The following FBXW9 variants were observed in gnomAD, a reference collection of about 807,000 sequenced individuals.
FBXW9 encodes the protein F-box/WD repeat-containing protein 9.
In FBXW9, 38 loss-of-function variants were observed where a neutral mutation model predicts 55.8. The observed-to-expected ratio is 0.68, with a 90% confidence interval of 0.53 to 0.89. The LOEUF (loss-of-function observed/expected upper bound fraction) is 0.89. FBXW9 is among the 40% of genes least tolerant of loss of function. FBXW9 has a pLI of 0.00. For missense variants in FBXW9, 590 were observed against 619.4 expected (o/e 0.95, Z 0.50); for synonymous variants, 289 against 278.2 (o/e 1.04, Z -0.38).
chr19:12,694,964 C>A (rs769824046), intron 1 of FBXW9, 26 bp from the exon 2 acceptor site: 3 of 1,605,304 alleles, frequency 1.9e-6, no homozygotes, highest in African/African-American at 2.7e-5. Context: ...AGTAGGGTGC[C>A]CAGTGGGCAG....
At position 12,689,650 on chromosome 19, in the gene FBXW9, C is replaced by CAACA; in HGVS notation, c.1147-24_1147-21dup. 1.2e-6 allele frequency: 2 copies of CAACA among 1,613,264 alleles called. No individual in the cohort carries two copies. The highest frequency in any genetic ancestry group is 1.7e-6 in the Non-Finnish European group (2 of 1,179,380). The stretch of plus-strand genomic sequence containing the variant: ...AAAGGACTGCAGGAGGAGGATCAGG[C>CAACA]AACACTCAGTCGAGGCTCTCCCAAG... On this transcript the variant is annotated intron_variant, in intron 7 of 9. Transcript: ENST00000393261. This position sits in a 1 kb window ranked among gnomAD's most constrained non-coding sequence, Gnocchi z 5.9.
At chr19:12,695,482 C>G (rs1304124997) in intron 1 of FBXW9, among the ~76,000 whole-genome samples, 1 of 152,128 alleles carries the variant, frequency 6.6e-6, no homozygotes, top group Non-Finnish European at 1.5e-5. Context: ...GATGGCAACA[C>G]CTTGAGAATC....
chr19:12,690,652 C>T (rs894324468), intron 5 of FBXW9, among the ~76,000 whole-genome samples: 5 of 152,014 alleles, frequency 3.3e-5, no homozygotes, highest in African/African-American at 9.7e-5. Flanking sequence ...GGCGCGGTGG[C>T]TCACATCTGT....
rs1384860710 is a variant in FBXW9, at chr19:12,696,550, G to A, written c.32C>T (p.Ser11Phe). ...GTCCGAGTCATCGTCCCAGGTGCGG[G>A]AATCATCGCACCGCCCTAGGGGAAG... MELPLGRCDD[S>F]RTWDDDSDPE... is the part of the protein sequence containing the mutation. The change falls in exon 1 of 10, where the codon TCC becomes TTC. Residue 11 changes from serine (S) to phenylalanine (F), a missense_variant. Coordinates refer to ENST00000393261, the MANE Select transcript of FBXW9 (RefSeq NM_032301.3). 2 of 1,611,936 alleles carry A rather than the reference G, an allele frequency of 1.2e-6. No homozygotes were observed. Among genetic ancestry groups the A allele is most frequent in the South Asian group, 1.1e-5 (1 of 91,068 alleles).
chr19:12,694,462 C>T (rs192797798), intron 3 of FBXW9, 132 bp downstream of exon 3: 2 of 949,708 alleles, frequency 2.1e-6, no homozygotes, highest in African/African-American at 1.7e-5. Context: ...AGAAGTCACA[C>T]ATCTCACTCA....
rs753118110 is a variant in FBXW9, at chr19:12,696,382, G to A, written c.200C>T (p.Ala67Val). 4 of 1,610,740 alleles carry A rather than the reference G, an allele frequency of 2.5e-6. No individual in the cohort carries two copies. In the East Asian group the frequency reaches 6.7e-5, roughly 27 times the overall value. The part of the protein sequence containing the change: ...AASPSASEPR[A>V]ASRVSAVSEP... ...ACTTACGGCCGAAACCCTGGACGCG[G>A]CCCGAGGCTCCGAAGCGCTCGGGGA... The change falls in exon 1 of 10, where the codon GCC (alanine) becomes GTC (valine). Residue 67 changes from alanine (A) to valine (V), a missense_variant. Physicochemically the swap from Ala to Val is moderately conservative, Grantham distance 64 (BLOSUM62 0). Transcript: ENST00000393261.
Position 12,696,385 on chromosome 19 carries a change from C to A in FBXW9, c.197G>T (p.Arg66Leu), listed in dbSNP as rs777977524. The A allele has an allele frequency of 1.2e-6, 2 of 1,611,158 alleles. No individual in the cohort carries two copies. Among genetic ancestry groups the A allele is most frequent in the Admixed American group, 1.7e-5 (1 of 59,746 alleles). Residue 66 changes from arginine (R) to leucine (L), a missense_variant, in exon 1 of 10, where the codon CGG becomes CTG. Coordinates refer to ENST00000393261, the MANE Select transcript of FBXW9 (RefSeq NM_032301.3). Reference sequence around the variant, plus strand: ...TACGGCCGAAACCCTGGACGCGGCCCGAGGCTCCGAAGCGCTCGGGGACGC... The same window carrying A: ...TACGGCCGAAACCCTGGACGCGGCCAGAGGCTCCGAAGCGCTCGGGGACGC... ...PAASPSASEP[R>L]AASRVSAVSE...
intron 5 of FBXW9, 55 bp from the exon 6 acceptor site, chr19:12,690,165 C>A (rs756765740): frequency 6.2e-7 from 1 of 1,609,092 alleles, no homozygotes; most frequent in Non-Finnish European, 8.5e-7. Flanking sequence ...GAAGGCCCCC[C>A]CCAGCCCATG....
rs1377178440 is a variant in FBXW9, at chr19:12,690,069, G to A, written c.925C>T (p.Pro309Ser). ...LLKHQQLHSR[P>S]VLTLLADDRH... ...TCATCCGCCAGCAGGGTCAGCACGG[G>A]TCTGGAGTGTAGTTGCTGGTGCTTC... Residue 309 changes from proline (P) to serine (S), a missense_variant, in exon 6 of 10, where the codon CCC becomes TCC. Transcript: ENST00000393261. 6.2e-7 allele frequency: 1 copy of A among 1,614,030 alleles called. No homozygotes were observed. Among genetic ancestry groups the A allele is most frequent in the Non-Finnish European group, 8.5e-7 (1 of 1,180,022 alleles).
At position 12,694,791 on chromosome 19, in the gene FBXW9, C is replaced by G. The variant is rs373904893; in HGVS notation, c.549+8G>C. 6.2e-7 allele frequency: 1 copy of G among 1,613,780 alleles called. No individual in the cohort carries two copies. The highest frequency in any genetic ancestry group is 8.5e-7 in the Non-Finnish European group (1 of 1,179,900). On this transcript the variant is annotated splice_region_variant and intron_variant, in intron 2 of 9. Coordinates refer to ENST00000393261, the MANE Select transcript of FBXW9 (RefSeq NM_032301.3). ...ACCCTGCCTGGCCCCCCACAGACCC[C>G]GTCTCACCTGGAGCAGCAGCACTGA...
chr19:12,694,654 C>T lies in FBXW9; in HGVS notation c.618G>A (p.Gly206=). Residue 206 remains glycine (G), a synonymous_variant, in exon 3 of 10, where the codon GGG becomes GGA. Coordinates refer to ENST00000393261, the MANE Select transcript of FBXW9 (RefSeq NM_032301.3). ...TGATCAGAACCTGGTTGGACTCCGT[C>T]CCCAGCTGCCGCAGGTCCCACAAGT... is the stretch of plus-strand genomic sequence containing the variant. ...NVNLWDLRQL[G]TESNQVLIKT... 1 of 1,614,220 alleles carries T rather than the reference C, an allele frequency of 6.2e-7. No homozygotes were observed. Among genetic ancestry groups the T allele is most frequent in the Non-Finnish European group, 8.5e-7 (1 of 1,180,040 alleles).
At position 12,696,622 on chromosome 19, in the gene FBXW9, T is replaced by C. The variant is rs368330816; in HGVS notation, c.-41A>G. The C allele has an allele frequency of 3.6e-5, 57 of 1,586,846 alleles. No homozygotes were observed. Among genetic ancestry groups the C allele is most frequent in the South Asian group, 3.0e-4 (27 of 89,026 alleles). ...GCTGCCGGCCTCGCGTCTTGTCTCCTAGGCAGCACGAGGGCACTTCCGGCG... is the reference window on the plus strand; with the variant it reads ...GCTGCCGGCCTCGCGTCTTGTCTCCCAGGCAGCACGAGGGCACTTCCGGCG... On this transcript the variant is annotated 5_prime_UTR_variant, in exon 1 of 10. Coordinates refer to ENST00000393261, the MANE Select transcript of FBXW9 (RefSeq NM_032301.3).
At chr19:12,692,757 C>T (rs2025024269) in intron 3 of FBXW9, among the ~76,000 whole-genome samples, 1 of 152,140 alleles carries the variant, frequency 6.6e-6, no homozygotes, top group Admixed American at 6.5e-5. Context: ...CTCCTGGGTT[C>T]AAGCAATCCT....
At chr19:12,691,133 C>T in intron 5 of FBXW9, 33 bp downstream of exon 5, 2 of 1,582,840 alleles carry the variant, frequency 1.3e-6, no homozygotes, top group Non-Finnish European at 1.7e-6. Flanking sequence ...AACATGACAT[C>T]TCCCAACCTG....
rs947434069 is a variant in FBXW9 at position 12,696,403 on chromosome 19, G to C, written c.179C>G (p.Pro60Arg). ...PSQLSTPAAS[P>R]SASEPRAASR... is the part of the protein sequence containing the mutation. ...CGCGGCCCGAGGCTCCGAAGCGCTC[G>C]GGGACGCGGCGGGTGTGGATAGCTG... Residue 60 changes from proline to arginine, a missense_variant, in exon 1 of 10, where the codon CCG becomes CGG. Physicochemically the swap from Pro to Arg is moderately radical, Grantham distance 103 (BLOSUM62 -2). Coordinates refer to ENST00000393261, the MANE Select transcript of FBXW9 (RefSeq NM_032301.3). The C allele has an allele frequency of 7.4e-6, 12 of 1,611,816 alleles. No individual in the cohort carries two copies. In the African/African-American group the frequency reaches 1.6e-4, roughly 22 times the overall value.
At chr19:12,695,589 G>A (rs1171890269) in intron 1 of FBXW9, among the ~76,000 whole-genome samples, 2 of 152,110 alleles carry the variant, frequency 1.3e-5, no homozygotes, top group African/African-American at 2.4e-5. Flanking sequence ...CTTGGCTTAA[G>A]GGCCTGAGGA....
At position 12,689,524 on chromosome 19, in the gene FBXW9, C is replaced by A; in HGVS notation, c.1236+17G>T. On this transcript the variant is annotated intron_variant, in intron 8 of 9. Transcript: ENST00000393261. The surrounding 1 kb of genome is among the most constrained non-coding windows in gnomAD (Gnocchi z 5.9). ...GGCAGGGACTGTCCTGGGGTGGGGGCTGGGCAGGAGCCTCACCCGGATGGT... is the reference window on the plus strand; with the variant it reads ...GGCAGGGACTGTCCTGGGGTGGGGGATGGGCAGGAGCCTCACCCGGATGGT... The A allele has an allele frequency of 6.2e-7, 1 of 1,613,642 alleles. No individual in the cohort carries two copies. The highest frequency in any genetic ancestry group is 8.5e-7 in the Non-Finnish European group (1 of 1,179,614).
chr19:12,689,937 C>T lies in FBXW9; in HGVS notation c.1032+25G>A. 6.2e-7 allele frequency: 1 copy of T among 1,613,340 alleles called. No individual in the cohort carries two copies. Among genetic ancestry groups the T allele is most frequent in the Non-Finnish European group, 8.5e-7 (1 of 1,179,492 alleles). On this transcript the variant is annotated intron_variant, in intron 6 of 9. Coordinates refer to ENST00000393261, the MANE Select transcript of FBXW9 (RefSeq NM_032301.3). This position sits in a 1 kb window ranked among gnomAD's most constrained non-coding sequence, Gnocchi z 5.9. ...GCTGGGCCTGCAACAGTCCCCATCC[C>T]TCCAGGCCCCTGGGGAGGGCCCACC...
intron 1 of FBXW9, 49 bp downstream of exon 1, chr19:12,696,124 C>T (rs2025066312): frequency 6.7e-7 from 1 of 1,483,956 alleles, no homozygotes; most frequent in Middle Eastern, 2.4e-4. Flanking sequence ...CAAGCCTGAC[C>T]TGGGCGGGCG....
Sources: allele counts gnomAD v4.1 joint callset (sites outside exome capture counted in the v4.1 genomes callset), GRCh38; gene constraint gnomAD v4.1.1; non-coding constraint Gnocchi (gnomAD v3.1); transcripts MANE v1.5; gene names NCBI Gene and HGNC (gene_info 2026-07-23, HGNC 2026-07-21).